Variants in PPP2R5C observed in about 807,000 individuals in gnomAD.
PPP2R5C encodes protein phosphatase 2 regulatory subunit B'gamma, also known as serine/threonine-protein phosphatase 2A 56 kDa regulatory subunit gamma isoform.
PPP2R5C carries 7 observed loss-of-function variants against 68.9 expected under a neutral mutation model. That is an observed-to-expected ratio of 0.10 (90% CI 0.06 to 0.19). The LOEUF (loss-of-function observed/expected upper bound fraction) is 0.19. Among genes scored for constraint, PPP2R5C ranks in the 10% least tolerant of loss-of-function variants. PPP2R5C has a pLI of 1.00. For synonymous variants in PPP2R5C, 210 were observed against 222.2 expected, an observed-to-expected ratio of 0.95 and a Z score of 0.49; for missense variants, 348 against 641.3, an observed-to-expected ratio of 0.54 and a Z score of 4.94.
In PPP2R5C at chr14:101,831,713, C is replaced by CAAGATTCGA. The variant is rs568872781; in HGVS notation, c.94+21678_94+21686dup. 3.0e-5 allele frequency: 21 copies of CAAGATTCGA among 696,308 alleles called. No individual in the cohort carries two copies. In the East Asian group the frequency reaches 5.4e-4, roughly 18 times the overall value. The allele number at this position is 696,308 out of a possible 1,614,324, so 43.1% of individuals were successfully genotyped here. A position where few individuals can be genotyped will look rare whatever the true frequency, so the allele number is the denominator to read the frequency against. ...CAACCAAATGCAGATTGCAAATGCA[C>CAAGATTCGA]AAGATTCGAGACCTATGTATACAGA... On this transcript the variant is annotated intron_variant, in intron 1 of 13. Transcript: ENST00000334743.
chr14:101,794,738 G>A (rs567359006), intron 3 of PPP2R5C, among the ~76,000 whole-genome samples: 6 of 152,152 alleles, frequency 3.9e-5, no homozygotes, highest in African/African-American at 9.6e-5. Context: ...CATTATCATC[G>A]CTCTTGTAAA....
At chr14:101,878,405 T>C (rs899851554) in intron 2 of PPP2R5C, among the ~76,000 whole-genome samples, 37 of 152,260 alleles carry the variant, frequency 2.4e-4, no homozygotes, top group African/African-American at 8.9e-4. Flanking sequence ...AGTGTGCAGG[T>C]GTTTGAGACG....
intron 1 of PPP2R5C, 42 bp from the exon 4 acceptor site, chr14:101,856,644 A>G (rs975661677): frequency 4.5e-6 from 7 of 1,542,648 alleles, no homozygotes; most frequent in Non-Finnish European, 6.3e-6. Flanking sequence ...ACTTTGGGTT[A>G]AGCACTTTTG....
Position 101,902,859 on chromosome 14 carries a change from C to A in PPP2R5C, c.1023+970C>A, listed in dbSNP as rs1368217029. Among the ~76,000 whole-genome samples, 4 of 152,226 alleles carry A rather than the reference C, an allele frequency of 2.6e-5. No individual in the cohort carries two copies. In the East Asian group the frequency reaches 7.7e-4, roughly 29 times the overall value. On this transcript the variant is annotated intron_variant, in intron 9 of 13. Transcript: ENST00000334743. ...TAGAAGAGTAAGAAGCTCTGGAGCACGGGCAGCCATAGTAAAGTGAGGCCA... is the reference window on the plus strand; with the variant it reads ...TAGAAGAGTAAGAAGCTCTGGAGCAAGGGCAGCCATAGTAAAGTGAGGCCA...
chr14:101,833,221 G>A (rs976985686), intron 1 of PPP2R5C, among the ~76,000 whole-genome samples: 2 of 152,224 alleles, frequency 1.3e-5, no homozygotes, highest in South Asian at 2.1e-4. Context: ...AAACATGGGC[G>A]CCTAGGTCCG....
At chr14:101,763,037 G>A (rs1056414681) in intron 2 of PPP2R5C, 67 bp downstream of exon 2, 1 of 1,347,152 alleles carries the variant, frequency 7.4e-7, no homozygotes, top group Non-Finnish European at 1.0e-6. Context: ...GAAAAACCGA[G>A]AGTGATAAAG....
At chr14:101,874,371 G>A (rs61995294) in intron 2 of PPP2R5C, among the ~76,000 whole-genome samples, 1,717 of 152,290 alleles carry the variant, frequency 0.011, 22 homozygotes, top group Non-Finnish European at 0.019. Flanking sequence ...ATAGCTGTTC[G>A]CTATAAAATT....
chr14:101,837,690 A>G (rs1337606188), intron 1 of PPP2R5C, among the ~76,000 whole-genome samples: 1 of 152,156 alleles, frequency 6.6e-6, no homozygotes, highest in Non-Finnish European at 1.5e-5. Context: ...TTTATCTCCA[A>G]CCTCTAGAAC....
chr14:101,775,496 C>T (rs1450150492), intron 2 of PPP2R5C, among the ~76,000 whole-genome samples: 1 of 152,170 alleles, frequency 6.6e-6, no homozygotes, highest in Non-Finnish European at 1.5e-5. Flanking sequence ...GGTGTGAGGG[C>T]ACTTGGACAT....
intron 2 of PPP2R5C, among the ~76,000 whole-genome samples, chr14:101,772,799 A>C (rs1297580980): frequency 2.6e-5 from 4 of 152,194 alleles, no homozygotes; most frequent in African/African-American, 4.8e-5. Context: ...CCGCCTCAAA[A>C]AATAAATAAG....
intron 8 of PPP2R5C, among the ~76,000 whole-genome samples, chr14:101,895,298 G>C (rs993401014): frequency 6.6e-6 from 1 of 152,004 alleles, no homozygotes; most frequent in Non-Finnish European, 1.5e-5. Flanking sequence ...GTTACATTTT[G>C]AATTTTTTTA....
intron 1 of PPP2R5C, among the ~76,000 whole-genome samples, chr14:101,852,631 G>A (rs969046494): frequency 4.0e-5 from 6 of 149,126 alleles, no homozygotes; most frequent in African/African-American, 1.5e-4. Context: ...ACCACACCCA[G>A]CTAATTATTT....
chr14:101,868,177 C>T (rs1474740495), intron 2 of PPP2R5C, among the ~76,000 whole-genome samples: 3 of 152,174 alleles, frequency 2.0e-5, no homozygotes, highest in Non-Finnish European at 4.4e-5. Context: ...AGTACATTGA[C>T]CAATGGAGTT....
At chr14:101,866,845 G>A (rs573917658) in intron 2 of PPP2R5C, among the ~76,000 whole-genome samples, 4 of 152,224 alleles carry the variant, frequency 2.6e-5, no homozygotes, top group South Asian at 4.1e-4. Flanking sequence ...ACTTTGGGAG[G>A]CCAGGGCAGG....
chr14:101,840,979 G>T (rs1385334949), intron 1 of PPP2R5C, among the ~76,000 whole-genome samples: 1 of 152,174 alleles, frequency 6.6e-6, no homozygotes, highest in Non-Finnish European at 1.5e-5. Context: ...AGTTATAGAT[G>T]CTGGTAAGTC....
upstream of PPP2R5C, chr14:101,761,798 GCGGCCGCGGGGGCGCGA>G (rs1439250709): frequency 3.4e-4 from 331 of 969,704 alleles, 1 homozygote; most frequent in African/African-American, 5.3e-3. Context: ...GGCGGCGGCG[GCGGCCGCGGGGGCGCGA>G]CGGCCGGGGC....
At chr14:101,890,169 C>T in intron 5 of PPP2R5C, 68 bp from the exon 8 acceptor site, 1 of 1,413,512 alleles carries the variant, frequency 7.1e-7, no homozygotes, top group South Asian at 1.2e-5. Flanking sequence ...ATGGCTCCTC[C>T]TAGAGCATTG....
At chr14:101,821,809 C>G (rs911761315) in intron 1 of PPP2R5C, among the ~76,000 whole-genome samples, 3 of 151,800 alleles carry the variant, frequency 2.0e-5, no homozygotes, top group African/African-American at 7.3e-5. Context: ...GACACTCGGC[C>G]CCCGCAGCCT....
chr14:101,856,965 G>A, intron 2 of PPP2R5C, 80 bp downstream of exon 4: 1 of 1,335,242 alleles, frequency 7.5e-7, no homozygotes, highest in Non-Finnish European at 1.1e-6. Context: ...GCCTAACACA[G>A]TGCTACCCAG....
Sources: allele counts gnomAD v4.1 joint callset (sites outside exome capture counted in the v4.1 genomes callset), GRCh38; gene constraint gnomAD v4.1.1; transcripts MANE v1.5; gene names NCBI Gene and HGNC (gene_info 2026-07-23, HGNC 2026-07-21).